ZFAND3: variants seen among roughly 807,000 people sequenced by gnomAD.
ZFAND3 encodes the protein zinc finger AN1-type containing 3, also known as AN1-type zinc finger protein 3.
Under a neutral mutation model 29.6 loss-of-function variants are expected in ZFAND3, and 10 were observed. That is an observed-to-expected ratio of 0.34 (90% CI 0.21 to 0.57). The LOEUF (loss-of-function observed/expected upper bound fraction) is 0.57. Among genes scored for constraint, ZFAND3 ranks in the 20% least tolerant of loss-of-function variants. The probability of loss-of-function intolerance (pLI) is 0.86; values close to 1 mark genes in which losing one functional copy is unlikely to be tolerated. For synonymous variants in ZFAND3, 128 were observed against 112.6 expected (o/e 1.14, Z -0.87); for missense variants, 230 against 304.5 (o/e 0.76, Z 1.82).
At chr6:38,074,525 A>C (rs1246557042) in intron 3 of ZFAND3, among the ~76,000 whole-genome samples, 4 of 152,252 alleles carry the variant, frequency 2.6e-5, no homozygotes. Context: ...AAGAAGTTAC[A>C]GAAGAAAAGC....
chr6:37,841,290 C>G (rs1054006422), intron 1 of ZFAND3, among the ~76,000 whole-genome samples: 3 of 152,132 alleles, frequency 2.0e-5, no homozygotes, highest in Non-Finnish European at 4.4e-5. Context: ...CATGAGAAAT[C>G]AAGAATTGTA....
chr6:37,977,051 A>G (rs1376379865), intron 2 of ZFAND3, among the ~76,000 whole-genome samples: 1 of 152,224 alleles, frequency 6.6e-6, no homozygotes, highest in Non-Finnish European at 1.5e-5. Flanking sequence ...AGAGAAATGC[A>G]TTGTTAGGCA....
chr6:38,041,121 A>C (rs761411972), intron 2 of ZFAND3, among the ~76,000 whole-genome samples: 13 of 152,088 alleles, frequency 8.5e-5, no homozygotes, highest in Non-Finnish European at 1.6e-4. Context: ...AATGTCCCTC[A>C]GTTTGTGTTT....
chr6:38,071,639 T>C (rs1764456404), intron 3 of ZFAND3, among the ~76,000 whole-genome samples: 1 of 152,168 alleles, frequency 6.6e-6, no homozygotes, highest in Admixed American at 6.5e-5. Flanking sequence ...TTTTTCAGAA[T>C]AATTGACATT....
At position 38,115,893 on chromosome 6, in the gene ZFAND3, G is replaced by A. The variant is rs145302292; in HGVS notation, c.362-679G>A. On this transcript the variant is annotated intron_variant, in intron 4 of 5. Coordinates refer to ENST00000287218, the MANE Select transcript of ZFAND3 (RefSeq NM_021943.3). ...TTTTGGCTCCACCTCAAGGTGGGGT[G>A]CCTGGTGCTGCTGCTGCTGCACCAC... is the stretch of plus-strand genomic sequence containing the variant. 1.8e-3 allele frequency among the ~76,000 whole-genome samples: 272 copies of A among 152,274 alleles called. 2 individuals are homozygous for A. Among genetic ancestry groups the A allele is most frequent in the African/African-American group, 6.2e-3 (258 of 41,548 alleles).
intron 2 of ZFAND3, among the ~76,000 whole-genome samples, chr6:37,973,974 G>T (rs185803036): frequency 2.1e-4 from 32 of 152,292 alleles, no homozygotes; most frequent in Non-Finnish European, 3.2e-4. Flanking sequence ...TTGCCTATCT[G>T]CAGGAAAATA....
At position 37,938,466 on chromosome 6, in the gene ZFAND3, T is replaced by G. The variant is rs1002593213; in HGVS notation, c.112+8467T>G. On this transcript the variant is annotated intron_variant, in intron 2 of 5. Transcript: ENST00000287218. Reference sequence around the variant, plus strand: ...GAGGGACATTTGTTTTCAGTGGCCATTTTTATACCACAGTTGCAATCCTGT... The same window carrying G: ...GAGGGACATTTGTTTTCAGTGGCCAGTTTTATACCACAGTTGCAATCCTGT... 7.9e-5 allele frequency among the ~76,000 whole-genome samples: 12 copies of G among 152,330 alleles called. 1 individual carries two copies. The highest frequency in any genetic ancestry group is 3.3e-4 in the Admixed American group (5 of 15,310).
intron 2 of ZFAND3, among the ~76,000 whole-genome samples, chr6:37,969,590 T>C (rs1762351334): frequency 6.6e-6 from 1 of 152,160 alleles, no homozygotes; most frequent in South Asian, 2.1e-4. Flanking sequence ...CTACTGAATG[T>C]GTATTGCTTT....
chr6:38,067,247 T>G (rs1048636772), intron 3 of ZFAND3, among the ~76,000 whole-genome samples: 2 of 152,232 alleles, frequency 1.3e-5, no homozygotes, highest in African/African-American at 4.8e-5. Flanking sequence ...CTGTATTTGG[T>G]TGAAAAAAAT....
Position 37,960,564 on chromosome 6 carries a change from A to G in ZFAND3, c.112+30565A>G, listed in dbSNP as rs373840959. ...CACGTACACATTCTGCTGATGTTCA[A>G]ACAACTACCTTAGAATCCTGTAGCT... On this transcript the variant is annotated intron_variant, in intron 2 of 5. Coordinates refer to ENST00000287218, the MANE Select transcript of ZFAND3 (RefSeq NM_021943.3). Among the ~76,000 whole-genome samples, 30 of 152,176 alleles carry G rather than the reference A, an allele frequency of 2.0e-4. No homozygotes were observed. In the East Asian group the frequency reaches 4.4e-3, roughly 22 times the overall value.
At chr6:38,056,612 T>C (rs1764138887) in intron 2 of ZFAND3, among the ~76,000 whole-genome samples, 1 of 152,152 alleles carries the variant, frequency 6.6e-6, no homozygotes, top group Non-Finnish European at 1.5e-5. Flanking sequence ...ACAAAGTGCT[T>C]TCACAGTGCT....
intron 5 of ZFAND3, 39 bp from the exon 6 acceptor site, chr6:38,152,196 C>T: frequency 6.8e-7 from 1 of 1,477,514 alleles, no homozygotes; most frequent in Non-Finnish European, 9.0e-7. Context: ...TGGAGGCCAC[C>T]CTAACACACT....
At chr6:38,071,502 G>A (rs1430058848) in intron 3 of ZFAND3, among the ~76,000 whole-genome samples, 2 of 151,920 alleles carry the variant, frequency 1.3e-5, no homozygotes, top group East Asian at 3.8e-4. Flanking sequence ...ATTACATAAA[G>A]ACATAGATCT....
At chr6:38,135,702 G>A (rs1046655109) in intron 5 of ZFAND3, among the ~76,000 whole-genome samples, 34 of 152,004 alleles carry the variant, frequency 2.2e-4, no homozygotes, top group Admixed American at 7.2e-4. Flanking sequence ...CCGAGATCGC[G>A]CCACTGCATT....
At chr6:38,015,621 A>G (rs1222277338) in intron 2 of ZFAND3, among the ~76,000 whole-genome samples, 3 of 152,268 alleles carry the variant, frequency 2.0e-5, no homozygotes, top group African/African-American at 4.8e-5. Flanking sequence ...AGCAAGGAAT[A>G]CATCTCAAAA....
intron 1 of ZFAND3, among the ~76,000 whole-genome samples, chr6:37,863,286 T>C (rs1054640419): frequency 1.3e-5 from 2 of 152,214 alleles, no homozygotes; most frequent in African/African-American, 4.8e-5. Context: ...CACATACCAC[T>C]TTGAAATATT....
intron 1 of ZFAND3, among the ~76,000 whole-genome samples, chr6:37,873,089 T>C (rs943379386): frequency 4.0e-5 from 6 of 151,596 alleles, no homozygotes; most frequent in African/African-American, 1.5e-4. Flanking sequence ...AAACACCTTC[T>C]CTACTTAAAA....
rs371578522 is a variant in ZFAND3, at chr6:38,139,481, T to C, written c.530-12754T>C. Reference sequence around the variant, plus strand: ...AGCATCCAACTGGGCCCTAACCTAGTCTGAGGGTCCAGGAAGATCTTCCTG... The same window carrying C: ...AGCATCCAACTGGGCCCTAACCTAGCCTGAGGGTCCAGGAAGATCTTCCTG... On this transcript the variant is annotated intron_variant, in intron 5 of 5. Transcript: ENST00000287218. Among the ~76,000 whole-genome samples, 12 of 152,114 alleles carry C rather than the reference T, an allele frequency of 7.9e-5. No individual in the cohort carries two copies. The East Asian group carries it at 1.5e-3, about 20-fold the overall frequency.
At chr6:38,051,668 T>C (rs1052024219) in intron 2 of ZFAND3, among the ~76,000 whole-genome samples, 3 of 152,242 alleles carry the variant, frequency 2.0e-5, no homozygotes, top group Admixed American at 2.0e-4. Flanking sequence ...AAACCCTATC[T>C]GTAATTTTGA....
Sources: allele counts gnomAD v4.1 joint callset (sites outside exome capture counted in the v4.1 genomes callset), GRCh38; gene constraint gnomAD v4.1.1; transcripts MANE v1.5; gene names NCBI Gene and HGNC (gene_info 2026-07-23, HGNC 2026-07-21).